SHANK1: variants seen among roughly 807,000 people sequenced by gnomAD.
The protein encoded by SHANK1 is SH3 and multiple ankyrin repeat domains 1.
A neutral mutation model predicts 165.6 loss-of-function variants in SHANK1; 35 were observed. The ratio of observed to expected loss-of-function variants is 0.21; its 90% CI spans 0.16 to 0.28. The LOEUF (loss-of-function observed/expected upper bound fraction) is 0.28, where lower values mean the gene tolerates loss of function less well. SHANK1 is among the 10% of genes least tolerant of loss of function. The pLI is 1.00. For missense variants in SHANK1, 2,681 were observed against 3,036.4 expected (o/e 0.88, Z 2.75); for synonymous variants, 1,428 against 1,384.8 (o/e 1.03, Z -0.69).
Position 50,717,943 on chromosome 19 carries a change from G to T in SHANK1, c.-43-981C>A, listed in dbSNP as rs1413836195. ...GTTCTCCCTTGAGGTGGCCTTATGAGGGTGGAGCCCCTTCCAAATGGGGTC... is the reference window on the plus strand; with the variant it reads ...GTTCTCCCTTGAGGTGGCCTTATGATGGTGGAGCCCCTTCCAAATGGGGTC... On this transcript the variant is annotated intron_variant, in intron 1 of 23. Transcript: ENST00000293441. The surrounding 1 kb of genome is among the most constrained non-coding windows in gnomAD (Gnocchi z 5.5). Among the ~76,000 whole-genome samples the T allele has an allele frequency of 6.6e-6, 1 of 151,962 alleles. No homozygotes were observed. Among genetic ancestry groups the T allele is most frequent in the Non-Finnish European group, 1.5e-5 (1 of 67,972 alleles).
At position 50,661,283 on chromosome 19, in the gene SHANK1, A is replaced by G. The variant is rs1409945400; in HGVS notation, c.*682T>C. On this transcript the variant is annotated 3_prime_UTR_variant, in exon 24 of 24. Coordinates refer to ENST00000293441, the MANE Select transcript of SHANK1 (RefSeq NM_016148.5). ...AGTGTGTAAGCAGCAAGAAGCAGAG[A>G]AGGAGGCATGGAGCGTGAGAAAGGA... is the stretch of plus-strand genomic sequence containing the variant. Among the ~76,000 whole-genome samples the G allele has an allele frequency of 6.6e-6, 1 of 152,074 alleles. No individual in the cohort carries two copies. The highest frequency in any genetic ancestry group is 1.5e-5 in the Non-Finnish European group (1 of 67,986).
intron 21 of SHANK1, among the ~76,000 whole-genome samples, chr19:50,676,946 C>G (rs1986002968): frequency 6.6e-6 from 1 of 152,118 alleles, no homozygotes; most frequent in African/African-American, 2.4e-5. Flanking sequence ...CCTTTCTGCC[C>G]TTCCTTGTTC....
At chr19:50,689,886 C>T (rs755959443) in intron 15 of SHANK1, among the ~76,000 whole-genome samples, 2 of 152,132 alleles carry the variant, frequency 1.3e-5, no homozygotes, top group Non-Finnish European at 2.9e-5. Flanking sequence ...ATGTCACCTC[C>T]CAGGAACCCC....
chr19:50,665,318 C>A (rs2123067335), intron 23 of SHANK1, among the ~76,000 whole-genome samples: 1 of 151,994 alleles, frequency 6.6e-6, no homozygotes. Flanking sequence ...AATCTCAGCA[C>A]TTTGGGAGAC....
In SHANK1 at chr19:50,686,893, C is replaced by A; in HGVS notation, c.2390-81G>T. The stretch of plus-strand genomic sequence containing the variant: ...GGGCTCGGCCTGTGGGCGTGGCCAG[C>A]AGGTGCGGGCCAGTGGGCGTGGCGG... On this transcript the variant is annotated intron_variant, in intron 19 of 23. Transcript: ENST00000293441. This position sits in a 1 kb window ranked among gnomAD's most constrained non-coding sequence, Gnocchi z 5.7. The A allele has an allele frequency of 1.9e-6, 3 of 1,541,192 alleles. No homozygotes were observed. The highest frequency in any genetic ancestry group is 2.3e-5 in the South Asian group (2 of 85,774).
chr19:50,689,101 C>A (rs537646210), intron 16 of SHANK1, 96 bp downstream of exon 16: 2 of 1,156,408 alleles, frequency 1.7e-6, no homozygotes, highest in Non-Finnish European at 2.6e-6. Context: ...GGGTGGTGGG[C>A]GGGCTGGGGT....
In SHANK1 at chr19:50,671,638, C is replaced by T. The variant is rs114452886; in HGVS notation, c.2674+380G>A. Among the ~76,000 whole-genome samples the T allele has an allele frequency of 8.1e-3, 1,226 of 152,050 alleles. 16 individuals carry two copies. Among genetic ancestry groups the T allele is most frequent in the African/African-American group, 0.028 (1,167 of 41,460 alleles). On this transcript the variant is annotated intron_variant, in intron 22 of 23. Transcript: ENST00000293441. ...AGTCTGTTTTATTCGCTGACGTATC[C>T]CCATTCTAGAACAATTCCTGGCATG...
intron 21 of SHANK1, among the ~76,000 whole-genome samples, chr19:50,683,095 G>A (rs79359177): frequency 2.0e-3 from 299 of 152,282 alleles, no homozygotes; most frequent in African/African-American, 6.9e-3. Flanking sequence ...GCCTTCCAAA[G>A]TGCTGGGATT....
rs1276874444 is a variant in SHANK1 at position 50,688,738 on chromosome 19, G to C, written c.2172+106C>G. Reference sequence around the variant, plus strand: ...GGGTGGGCAGGGGGCTGGGAATCCTGGTGCCAAAGGAGAATAAAACTGGGC... The same window carrying C: ...GGGTGGGCAGGGGGCTGGGAATCCTCGTGCCAAAGGAGAATAAAACTGGGC... On this transcript the variant is annotated intron_variant, in intron 17 of 23. Coordinates refer to ENST00000293441, the MANE Select transcript of SHANK1 (RefSeq NM_016148.5). The surrounding 1 kb of genome is among the most constrained non-coding windows in gnomAD (Gnocchi z 6.7). The C allele has an allele frequency of 8.4e-7, 1 of 1,190,800 alleles. No homozygotes were observed. 73.8% of individuals were successfully genotyped at this position (1,190,800 alleles called of 1,614,324 possible).
rs772027546 is a variant in SHANK1, at chr19:50,662,326, C to T, written c.6125G>A (p.Gly2042Glu). The change falls in exon 24 of 24, where the codon GGG (glycine) becomes GAG (glutamate). Residue 2042 changes from glycine (G) to glutamate (E), a missense_variant. Coordinates refer to ENST00000293441, the MANE Select transcript of SHANK1 (RefSeq NM_016148.5). This position sits in a 1 kb window ranked among gnomAD's most constrained non-coding sequence, Gnocchi z 7.7. ...LFDIRGSPTG[G>E]AGGSADPFAP... ...GAAGGGGTCAGCCGAGCCTCCTGCCCCTCCAGTTGGGGAGCCACGGATGTC... is the reference window on the plus strand; with the variant it reads ...GAAGGGGTCAGCCGAGCCTCCTGCCTCTCCAGTTGGGGAGCCACGGATGTC... 6.8e-6 allele frequency: 11 copies of T among 1,606,876 alleles called. No individual in the cohort carries two copies. In the Admixed American group the frequency reaches 1.2e-4, roughly 17 times the overall value.
intron 8 of SHANK1, 21 bp from the exon 9 acceptor site, chr19:50,704,535 C>T: frequency 6.2e-7 from 1 of 1,607,486 alleles, no homozygotes; most frequent in Non-Finnish European, 8.5e-7. Context: ...TGGCCAGTGG[C>T]ACAGGACAAA....
In SHANK1 at chr19:50,703,845, T is replaced by A; in HGVS notation, c.1223-15A>T. The A allele has an allele frequency of 7.9e-7, 1 of 1,268,046 alleles. No individual in the cohort carries two copies. Among genetic ancestry groups the A allele is most frequent in the Non-Finnish European group, 1.0e-6 (1 of 973,174 alleles). 78.5% of individuals were successfully genotyped at this position (1,268,046 alleles called of 1,614,324 possible). On this transcript the variant is annotated splice_polypyrimidine_tract_variant and intron_variant, in intron 10 of 23. Coordinates refer to ENST00000293441, the MANE Select transcript of SHANK1 (RefSeq NM_016148.5). The stretch of plus-strand genomic sequence containing the variant: ...CTGGAAGGGCACTGAGAGGGCACAG[T>A]GGCGGCGGGGGGCAGATGTTAGGGG...
intron 4 of SHANK1, among the ~76,000 whole-genome samples, chr19:50,714,976 GTC>G (rs2089053461): frequency 6.6e-6 from 1 of 152,152 alleles, no homozygotes; most frequent in Non-Finnish European, 1.5e-5. Flanking sequence ...GACCGTGAAA[GTC>G]TGGAGGGATG....
chr19:50,719,175 G>T (rs1217898157), intron 1 of SHANK1, among the ~76,000 whole-genome samples: 1 of 149,968 alleles, frequency 6.7e-6, no homozygotes, highest in South Asian at 2.1e-4. Context: ...GGCCGGGGGT[G>T]GGGGGCGCGC....
At chr19:50,678,589 A>G (rs1198954290) in intron 21 of SHANK1, among the ~76,000 whole-genome samples, 1 of 145,922 alleles carries the variant, frequency 6.9e-6, no homozygotes, top group African/African-American at 2.5e-5. Flanking sequence ...GGGAAGGGTC[A>G]GGGGGACAGT....
rs980904609 is a variant in SHANK1 at position 50,701,173 on chromosome 19, G to A, written c.1747+1294C>T. Among the ~76,000 whole-genome samples, 5 of 150,378 alleles carry A rather than the reference G, an allele frequency of 3.3e-5. No individual in the cohort carries two copies. The East Asian group carries it at 7.8e-4, about 24-fold the overall frequency. On this transcript the variant is annotated intron_variant, in intron 12 of 23. Coordinates refer to ENST00000293441, the MANE Select transcript of SHANK1 (RefSeq NM_016148.5). Reference sequence around the variant, plus strand: ...TCTCCTCTAAGTGCCTGAAGTAGGGGCCACTTAGGAAAATGATGGCTTTTT... The same window carrying A: ...TCTCCTCTAAGTGCCTGAAGTAGGGACCACTTAGGAAAATGATGGCTTTTT...
chr19:50,704,389 C>A lies in SHANK1; in HGVS notation c.1155+48G>T, dbSNP rs775051770. ...CTTATCCACTGGGTGTCACTGTCAC[C>A]CTTTCCTTAGCCCTGGAAACTCCAG... On this transcript the variant is annotated intron_variant, in intron 9 of 23. Transcript: ENST00000293441. 1.2e-5 allele frequency: 19 copies of A among 1,564,878 alleles called. No individual in the cohort carries two copies. In the South Asian group the frequency reaches 1.3e-4, roughly 11 times the overall value.
In SHANK1 at chr19:50,690,994, G is replaced by A. The variant is rs1335789715; in HGVS notation, c.1965-1715C>T. ...CCTTCCTGCTGCCACCCTCCTTGTG[G>A]CACCTCAGTGCACCTAACACCACGC... On this transcript the variant is annotated intron_variant, in intron 15 of 23. Transcript: ENST00000293441. The surrounding 1 kb of genome is among the most constrained non-coding windows in gnomAD (Gnocchi z 4.9). Among the ~76,000 whole-genome samples, 6 of 152,032 alleles carry A rather than the reference G, an allele frequency of 3.9e-5. No individual in the cohort carries two copies. Among genetic ancestry groups the A allele is most frequent in the Non-Finnish European group, 1.5e-5 (1 of 68,008 alleles).
intron 8 of SHANK1, 127 bp from the exon 9 acceptor site, chr19:50,704,641 G>T: frequency 1.2e-6 from 1 of 830,180 alleles, no homozygotes; most frequent in Non-Finnish European, 2.0e-6. Flanking sequence ...GCACCACTGA[G>T]GACAGCAGCC....
Sources: gnomAD v4.1 joint callset for allele counts (sites outside exome capture counted in the v4.1 genomes callset) on GRCh38, gnomAD v4.1.1 for gene constraint, Gnocchi (gnomAD v3.1) non-coding constraint, MANE v1.5 for transcripts, NCBI Gene and HGNC (gene_info 2026-07-23, HGNC 2026-07-21) for gene names.